Variants in KCNK13 observed in about 807,000 individuals in gnomAD.
KCNK13 encodes the protein potassium two pore domain channel subfamily K member 13.
In KCNK13, 12 loss-of-function variants were observed where a neutral mutation model predicts 23.4. That is an observed-to-expected ratio of 0.51 (90% confidence interval 0.33 to 0.83). The LOEUF (loss-of-function observed/expected upper bound fraction) is 0.83, where lower values mean the gene tolerates loss of function less well. Ranked by LOEUF, KCNK13 falls within the 40% of genes least tolerant of loss-of-function variation. The probability of loss-of-function intolerance (pLI) is 0.02; values close to 1 mark genes in which losing one functional copy is unlikely to be tolerated. For synonymous variants in KCNK13, 231 were observed against 229.5 expected (o/e 1.01, Z -0.06); for missense variants, 463 against 556.3 (o/e 0.83, Z 1.69).
At chr14:90,153,846 CT>C (rs1026279626) in intron 1 of KCNK13, among the ~76,000 whole-genome samples, 1 of 152,206 alleles carries the variant, frequency 6.6e-6, no homozygotes, top group African/African-American at 2.4e-5. Context: ...TGTGCCCAGC[CT>C]TTCTCCCAAG....
rs147259294 is a variant in KCNK13, at chr14:90,064,028, A to G, written c.334+1489A>G. On this transcript the variant is annotated intron_variant, in intron 1 of 1. Coordinates refer to ENST00000282146, the MANE Select transcript of KCNK13 (RefSeq NM_022054.4). ...ACCAGAATGGGCCCAAGATTGGTGA[A>G]GGAGGAATAACACCCCCATGGTTCT... 6.1e-3 allele frequency among the ~76,000 whole-genome samples: 934 copies of G among 152,280 alleles called. 8 individuals are homozygous for G. Among genetic ancestry groups the G allele is most frequent in the African/African-American group, 0.022 (910 of 41,550 alleles).
intron 1 of KCNK13, among the ~76,000 whole-genome samples, chr14:90,076,760 T>C (rs1475646889): frequency 1.3e-5 from 2 of 152,230 alleles, no homozygotes; most frequent in Non-Finnish European, 2.9e-5. Flanking sequence ...TTTTGGAAGG[T>C]ACTCTGTGAG....
At chr14:90,150,396 A>G (rs74080616) in intron 1 of KCNK13, among the ~76,000 whole-genome samples, 1 of 152,084 alleles carries the variant, frequency 6.6e-6, no homozygotes, top group African/African-American at 2.4e-5. Context: ...AAGGACTGTT[A>G]GCGGCCAGGA....
At chr14:90,155,433 A>G (rs555737452) in intron 1 of KCNK13, among the ~76,000 whole-genome samples, 119 of 152,290 alleles carry the variant, frequency 7.8e-4, no homozygotes, top group Non-Finnish European at 1.3e-3. Flanking sequence ...ATGGGGGCCA[A>G]TGGAGAGTTT....
chr14:90,158,108 C>T (rs1890215289), intron 1 of KCNK13, among the ~76,000 whole-genome samples: 1 of 152,200 alleles, frequency 6.6e-6, no homozygotes, highest in African/African-American at 2.4e-5. Flanking sequence ...CTGAACAAAC[C>T]TTCAGGCTGA....
At chr14:90,147,464 G>A (rs1183469375) in intron 1 of KCNK13, among the ~76,000 whole-genome samples, 1 of 151,880 alleles carries the variant, frequency 6.6e-6, no homozygotes, top group Non-Finnish European at 1.5e-5. Context: ...GGTTTGTGAT[G>A]TTTTTATCAG....
intron 1 of KCNK13, among the ~76,000 whole-genome samples, chr14:90,152,293 T>C (rs1166564779): frequency 3.3e-5 from 5 of 152,202 alleles, no homozygotes; most frequent in Non-Finnish European, 7.3e-5. Flanking sequence ...CCCAGCACTT[T>C]GGGAGGCTGA....
intron 1 of KCNK13, among the ~76,000 whole-genome samples, chr14:90,087,249 G>T (rs1889292262): frequency 6.7e-6 from 1 of 150,212 alleles, no homozygotes; most frequent in South Asian, 2.1e-4. Context: ...GCCTTTCAAA[G>T]TGCTGGGATT....
At chr14:90,080,473 C>A (rs1160293348) in intron 1 of KCNK13, among the ~76,000 whole-genome samples, 1 of 151,550 alleles carries the variant, frequency 6.6e-6, no homozygotes, top group Non-Finnish European at 1.5e-5. Context: ...TAAATAAATA[C>A]ATTTAAAAAA....
chr14:90,142,113 C>T (rs1385743571), intron 1 of KCNK13, among the ~76,000 whole-genome samples: 1 of 151,658 alleles, frequency 6.6e-6, no homozygotes, highest in Non-Finnish European at 1.5e-5. Context: ...CTCACCCCTC[C>T]CTTCCCTGTC....
intron 1 of KCNK13, among the ~76,000 whole-genome samples, chr14:90,090,696 G>C (rs749265681): frequency 4.6e-5 from 7 of 152,206 alleles, no homozygotes; most frequent in Non-Finnish European, 8.8e-5. Flanking sequence ...ATTCCCACGT[G>C]TCATGAGAGG....
At chr14:90,165,993 G>A (rs1890297793) in intron 1 of KCNK13, among the ~76,000 whole-genome samples, 1 of 152,206 alleles carries the variant, frequency 6.6e-6, no homozygotes, top group South Asian at 2.1e-4. Flanking sequence ...ACTGTGATTT[G>A]TAGTAATGCA....
intron 1 of KCNK13, among the ~76,000 whole-genome samples, chr14:90,183,764 T>A (rs923089221): frequency 1.1e-4 from 16 of 152,172 alleles, no homozygotes; most frequent in Admixed American, 1.0e-3. Flanking sequence ...GTTGTTCAGG[T>A]TGTGGACTGT....
chr14:90,132,315 G>A (rs564695378), intron 1 of KCNK13, among the ~76,000 whole-genome samples: 38 of 152,298 alleles, frequency 2.5e-4, no homozygotes, highest in African/African-American at 7.9e-4. Flanking sequence ...AGGCCAAGGC[G>A]AGAGGATCAC....
In KCNK13 at chr14:90,107,216, A is replaced by G. The variant is rs186602573; in HGVS notation, c.334+44677A>G. On this transcript the variant is annotated intron_variant, in intron 1 of 1. Transcript: ENST00000282146. ...ACATGTTGGCCGGGCATGGTGGCTCATGCCTGTAATCCCAGCACTTCGGGA... is the reference window on the plus strand; with the variant it reads ...ACATGTTGGCCGGGCATGGTGGCTCGTGCCTGTAATCCCAGCACTTCGGGA... Among the ~76,000 whole-genome samples, 5 of 152,220 alleles carry G rather than the reference A, an allele frequency of 3.3e-5. No individual in the cohort carries two copies. In the East Asian group the frequency reaches 9.7e-4, roughly 30 times the overall value.
At chr14:90,151,179 C>T (rs1250040400) in intron 1 of KCNK13, among the ~76,000 whole-genome samples, 1 of 152,176 alleles carries the variant, frequency 6.6e-6, no homozygotes, top group East Asian at 1.9e-4. Context: ...TACCCAGTCT[C>T]AGGTATTTCT....
At chr14:90,137,833 C>T (rs1308924151) in intron 1 of KCNK13, among the ~76,000 whole-genome samples, 1 of 152,196 alleles carries the variant, frequency 6.6e-6, no homozygotes. Flanking sequence ...TGCTTACACA[C>T]ACGATTGTGT....
chr14:90,084,733 C>T lies in KCNK13; in HGVS notation c.334+22194C>T, dbSNP rs374859493. 7.2e-5 allele frequency among the ~76,000 whole-genome samples: 11 copies of T among 152,204 alleles called. No individual in the cohort carries two copies. In the East Asian group the frequency reaches 2.1e-3, roughly 29 times the overall value. Reference sequence around the variant, plus strand: ...ATCTTGAAGGAAAGTTTCAGTCTTTCACTATTGAGTATGAAATTGGTTTTG... The same window carrying T: ...ATCTTGAAGGAAAGTTTCAGTCTTTTACTATTGAGTATGAAATTGGTTTTG... On this transcript the variant is annotated intron_variant, in intron 1 of 1. Transcript: ENST00000282146.
chr14:90,062,515 G>T lies in KCNK13; in HGVS notation c.310G>T (p.Val104Leu). 1 of 1,519,712 alleles carries T rather than the reference G, an allele frequency of 6.6e-7. No individual in the cohort carries two copies. Among genetic ancestry groups the T allele is most frequent in the Non-Finnish European group, 8.8e-7 (1 of 1,133,750 alleles). The allele number at this position is 1,519,712 out of a possible 1,614,324, so 94.1% of individuals were successfully genotyped here. A position where few individuals can be genotyped will look rare whatever the true frequency, so the allele number is the denominator to read the frequency against. ...GGACTTCACCGGCGCCTTCTACTTC[G>T]TGGGCACCGTCGTTTCCACCATAGG... ...RWDFTGAFYFVGTVVSTIGFG... is the reference protein window; with the variant it reads ...RWDFTGAFYFLGTVVSTIGFG... The change falls in exon 1 of 2, where the codon GTG (valine) becomes TTG (leucine). Residue 104 changes from valine (V) to leucine (L), a missense_variant. Val to Leu is a conservative substitution (Grantham distance 32). Around this residue, in one of 3 missense-constraint regions of KCNK13, gnomAD observed 153 missense variants for 153.6 expected, o/e 1.00. Transcript: ENST00000282146. The surrounding 1 kb of genome is among the most constrained non-coding windows in gnomAD (Gnocchi z 4.5).
Sources: gnomAD v4.1 joint callset for allele counts (sites outside exome capture counted in the v4.1 genomes callset) on GRCh38, gnomAD v4.1.1 for gene constraint, gnomAD v4.1.1 regional missense constraint, Gnocchi (gnomAD v3.1) non-coding constraint, MANE v1.5 for transcripts, NCBI Gene and HGNC (gene_info 2026-07-23, HGNC 2026-07-21) for gene names.